The following ADGB variants were observed in gnomAD, a reference collection of about 807,000 sequenced individuals.
The protein encoded by ADGB is calpain-7-like protein.
A neutral mutation model predicts 210.5 loss-of-function variants in ADGB; 172 were observed. The ratio of observed to expected loss-of-function variants is 0.82; its 90% CI spans 0.72 to 0.93. The LOEUF (loss-of-function observed/expected upper bound fraction) is 0.93. Among genes scored for constraint, ADGB ranks in the 40% least tolerant of loss-of-function variants. The pLI, the probability that ADGB is intolerant of heterozygous loss-of-function variation, is 0.00. For missense variants in ADGB, 2,025 were observed against 1,964.8 expected (o/e 1.03, Z -0.58); for synonymous variants, 658 against 662.7 (o/e 0.99, Z 0.11).
At chr6:146,650,909 G>T (rs1775692458) in intron 3 of ADGB, among the ~76,000 whole-genome samples, 2 of 152,196 alleles carry the variant, frequency 1.3e-5, no homozygotes, top group Admixed American at 6.5e-5. Context: ...TAATTGTCCT[G>T]CATTAAGTCC....
chr6:146,720,211 G>GT (rs1382546096), intron 16 of ADGB, among the ~76,000 whole-genome samples: 2 of 152,096 alleles, frequency 1.3e-5, no homozygotes, highest in East Asian at 3.9e-4. Context: ...TTAGTCAAGA[G>GT]TACCAGCCTT....
At chr6:146,708,440 G>A (rs929423314) in intron 13 of ADGB, among the ~76,000 whole-genome samples, 1 of 151,906 alleles carries the variant, frequency 6.6e-6, no homozygotes, top group African/African-American at 2.4e-5. Flanking sequence ...TTTTGTTTGG[G>A]AAAGTTTTTA....
Position 146,691,282 on chromosome 6 carries a change from A to G in ADGB, c.1478A>G (p.Glu493Gly). The G allele has an allele frequency of 6.5e-7, 1 of 1,544,506 alleles. No individual in the cohort carries two copies. Reference sequence around the variant, plus strand: ...AAAAAGGAAACTGTTATAACAGATGAAGCTCAAGGTATGTATCACATCATC... The same window carrying G: ...AAAAAGGAAACTGTTATAACAGATGGAGCTCAAGGTATGTATCACATCATC... ...RQKKETVITD[E>G]AQELIVKKPE... The change falls in exon 11 of 36, where the codon GAA becomes GGA. Residue 493 changes from glutamate (E) to glycine (G), a missense_variant. By Grantham distance (98) the Glu-to-Gly change is moderately conservative. Transcript: ENST00000397944.
chr6:146,689,779 G>A (rs1776276698), intron 10 of ADGB, among the ~76,000 whole-genome samples: 1 of 152,046 alleles, frequency 6.6e-6, no homozygotes, highest in Admixed American at 6.6e-5. Context: ...GAAAGAATTA[G>A]TTTCAGGTGG....
At chr6:146,635,954 A>C (rs950066694) in intron 2 of ADGB, among the ~76,000 whole-genome samples, 2 of 152,026 alleles carry the variant, frequency 1.3e-5, no homozygotes, top group African/African-American at 4.8e-5. Context: ...GTTAACTGTG[A>C]GATGAAAACT....
chr6:146,654,038 T>A, intron 3 of ADGB, 97 bp from the exon 4 acceptor site: 1 of 749,288 alleles, frequency 1.3e-6, no homozygotes, highest in Admixed American at 2.8e-5. Flanking sequence ...ATTCAAAAAA[T>A]TGCAACTTCA....
intron 1 of ADGB, among the ~76,000 whole-genome samples, chr6:146,615,128 G>A (rs6570769): frequency 0.034 from 5,078 of 151,432 alleles, 285 homozygotes; most frequent in African/African-American, 0.11. Flanking sequence ...GGATGGTCTC[G>A]ATCTCCTGAC....
At chr6:146,753,472 C>A (rs375067094) in intron 27 of ADGB, among the ~76,000 whole-genome samples, 3 of 152,010 alleles carry the variant, frequency 2.0e-5, no homozygotes, top group Non-Finnish European at 2.9e-5. Context: ...GACCTCCAAA[C>A]CAAGGTTAAA....
intron 3 of ADGB, among the ~76,000 whole-genome samples, chr6:146,648,783 A>G (rs1775657545): frequency 6.6e-6 from 1 of 152,012 alleles, no homozygotes; most frequent in East Asian, 1.9e-4. Flanking sequence ...TAAATTATAT[A>G]AAATTATTTT....
Position 146,721,476 on chromosome 6 carries a change from C to G in ADGB, c.2066C>G (p.Ser689Cys), listed in dbSNP as rs1347846746. ...CCTATTGAACTACTGGTTTGCTTTT[C>G]TGCATTGGTACGCTGGGGGGAGTAT... The part of the protein sequence containing the change: ...LKPIELLVCF[S>C]ALVRWGEYGA... Residue 689 changes from serine (S) to cysteine (C), a missense_variant, in exon 17 of 36, where the codon TCT becomes TGT. By Grantham distance (112) the Ser-to-Cys change is moderately radical. Coordinates refer to ENST00000397944, the MANE Select transcript of ADGB (RefSeq NM_024694.4). 1.3e-6 allele frequency: 2 copies of G among 1,550,260 alleles called. No homozygotes were observed. Among genetic ancestry groups the G allele is most frequent in the East Asian group, 4.9e-5 (2 of 40,902 alleles).
intron 1 of ADGB, among the ~76,000 whole-genome samples, chr6:146,619,091 T>G (rs893699324): frequency 4.6e-5 from 7 of 152,078 alleles, no homozygotes; most frequent in Admixed American, 4.6e-4. Flanking sequence ...TATTTACCCC[T>G]TTATCATTAT....
At chr6:146,649,630 A>G (rs1295816008) in intron 3 of ADGB, among the ~76,000 whole-genome samples, 3 of 151,830 alleles carry the variant, frequency 2.0e-5, no homozygotes, top group African/African-American at 4.8e-5. Context: ...TGCTGGGACC[A>G]TAGACAGACA....
In ADGB at chr6:146,738,758, G is replaced by A. The variant is rs1335099074; in HGVS notation, c.2889-1701G>A. On this transcript the variant is annotated intron_variant, in intron 23 of 35. Transcript: ENST00000397944. The stretch of plus-strand genomic sequence containing the variant: ...CAGGCGTGAGCCACTGCGCCCGGCC[G>A]AATCCCATTTCATCTTAACAATTCA... 5.3e-5 allele frequency among the ~76,000 whole-genome samples: 8 copies of A among 152,016 alleles called. No individual in the cohort carries two copies. In the South Asian group the frequency reaches 1.4e-3, roughly 28 times the overall value.
At chr6:146,752,498 T>C (rs1777337900) in intron 26 of ADGB, 32 bp from the exon 27 acceptor site, 1 of 1,498,664 alleles carries the variant, frequency 6.7e-7, no homozygotes, top group South Asian at 1.3e-5. Flanking sequence ...ACCAACATAC[T>C]TGCTTATAAT....
intron 5 of ADGB, among the ~76,000 whole-genome samples, chr6:146,660,188 A>G (rs1368486621): frequency 1.3e-5 from 2 of 152,178 alleles, no homozygotes; most frequent in African/African-American, 2.4e-5. Context: ...GCATTATAAG[A>G]AAACTCTCTC....
At chr6:146,799,462 A>G (rs1314805802) in intron 33 of ADGB, among the ~76,000 whole-genome samples, 2 of 147,220 alleles carry the variant, frequency 1.4e-5, no homozygotes, top group African/African-American at 5.0e-5. Context: ...TGAACCAGGG[A>G]GGCGGAAGTT....
At position 146,788,709 on chromosome 6, in the gene ADGB, A is replaced by T. The variant is rs533294427; in HGVS notation, c.4537+99A>T. 354 of 1,093,600 alleles carry T rather than the reference A, an allele frequency of 3.2e-4. 2 individuals are homozygous for T. The highest frequency in any genetic ancestry group is 7.2e-4 in the Admixed American group (32 of 44,324). 67.7% of individuals were successfully genotyped at this position (1,093,600 alleles called of 1,614,324 possible). On this transcript the variant is annotated intron_variant, in intron 33 of 35. Transcript: ENST00000397944. ...CATCAGTGACGGCTAGGGCTATAGA[A>T]GTAGAAAAGATGTCTTTCCGATATA...
At chr6:146,696,956 T>A (rs1033254897) in intron 12 of ADGB, among the ~76,000 whole-genome samples, 2 of 152,288 alleles carry the variant, frequency 1.3e-5, no homozygotes, top group Admixed American at 6.5e-5. Flanking sequence ...CCTACTTTAA[T>A]CATTAGCACT....
intron 14 of ADGB, 46 bp from the exon 15 acceptor site, chr6:146,716,837 T>C: frequency 6.9e-7 from 1 of 1,443,476 alleles, no homozygotes; most frequent in East Asian, 2.5e-5. Context: ...TTTCAATAAC[T>C]TGTTATTTAA....
Sources: gnomAD v4.1 joint callset for allele counts (sites outside exome capture counted in the v4.1 genomes callset) on GRCh38, gnomAD v4.1.1 for gene constraint, MANE v1.5 for transcripts, NCBI Gene and HGNC (gene_info 2026-07-23, HGNC 2026-07-21) for gene names.